The following SAMD5 variants were observed in gnomAD, a reference collection of about 807,000 sequenced individuals.
SAMD5 encodes the protein sterile alpha motif domain-containing protein 5.
A neutral mutation model predicts 11.3 loss-of-function variants in SAMD5; 13 were observed. The ratio of observed to expected loss-of-function variants is 1.15; its 90% confidence interval spans 0.75 to 1.83. The LOEUF is 1.83. Among genes scored for constraint, SAMD5 ranks in the 40% most tolerant of loss-of-function variants. The pLI, the probability that SAMD5 is intolerant of heterozygous loss-of-function variation, is 0.00. For missense variants in SAMD5, 255 were observed against 239.1 expected, an observed-to-expected ratio of 1.07 and a Z score of -0.44; for synonymous variants, 129 against 111.3, an observed-to-expected ratio of 1.16 and a Z score of -1.00.
chr6:147,875,906 A>G, the SAMD5 span, among the ~76,000 whole-genome samples: 1 of 152,110 alleles, frequency 6.6e-6, no homozygotes, highest in Non-Finnish European at 1.5e-5. Context: ...TTCCTTATGT[A>G]TTGCAATGTA....
At chr6:147,791,030 C>T in the SAMD5 span, among the ~76,000 whole-genome samples, 2 of 151,968 alleles carry the variant, frequency 1.3e-5, no homozygotes, top group Non-Finnish European at 2.9e-5. Context: ...TGTGGTGGCT[C>T]ACGCCTGTAA....
intron 1 of SAMD5, among the ~76,000 whole-genome samples, chr6:147,552,853 T>G (rs762208652): frequency 1.3e-5 from 2 of 152,224 alleles, no homozygotes; most frequent in Non-Finnish European, 2.9e-5. Context: ...TGAAAAATTT[T>G]AAAGTTAATG....
At chr6:147,873,445 T>A in the SAMD5 span, among the ~76,000 whole-genome samples, 1 of 152,136 alleles carries the variant, frequency 6.6e-6, no homozygotes, top group Non-Finnish European at 1.5e-5. Context: ...GTGTTGTTAG[T>A]TGATTTTTCA....
chr6:147,548,175 G>A (rs1788715497), intron 1 of SAMD5, among the ~76,000 whole-genome samples: 1 of 152,210 alleles, frequency 6.6e-6, no homozygotes, highest in Admixed American at 6.5e-5. Flanking sequence ...AGACAGCACA[G>A]AGGGTAAAAG....
the SAMD5 span, among the ~76,000 whole-genome samples, chr6:147,758,000 A>G: frequency 4.6e-5 from 7 of 152,218 alleles, no homozygotes; most frequent in South Asian, 2.1e-4. Context: ...GTTTGCTTCT[A>G]TGATTTGTTG....
chr6:147,858,144 A>G, the SAMD5 span, among the ~76,000 whole-genome samples: 1 of 151,936 alleles, frequency 6.6e-6, no homozygotes, highest in Non-Finnish European at 1.5e-5. Flanking sequence ...TTTGGAGGGG[A>G]TCTGTAGCCC....
the SAMD5 span, among the ~76,000 whole-genome samples, chr6:147,822,971 C>T: frequency 1.4e-5 from 2 of 139,178 alleles, no homozygotes; most frequent in African/African-American, 6.0e-5. Context: ...CCCACCACTG[C>T]ACCCGGCTAA....
chr6:147,604,693 CA>C (rs1789673599), intron 1 of SAMD5, among the ~76,000 whole-genome samples: 1 of 152,170 alleles, frequency 6.6e-6, no homozygotes, highest in Non-Finnish European at 1.5e-5. Context: ...AATTAAGCTT[CA>C]GCATCATGGA....
the SAMD5 span, among the ~76,000 whole-genome samples, chr6:147,937,613 G>T: frequency 1.3e-5 from 2 of 152,284 alleles, no homozygotes; most frequent in South Asian, 2.1e-4. Context: ...CTAGGAAAAA[G>T]AATTACGTTT....
At chr6:147,599,912 C>T (rs560301187) in intron 1 of SAMD5, among the ~76,000 whole-genome samples, 3 of 152,176 alleles carry the variant, frequency 2.0e-5, no homozygotes, top group South Asian at 4.2e-4. Flanking sequence ...CAAGAGGTCC[C>T]AGTAGGTGTG....
intron 1 of SAMD5, among the ~76,000 whole-genome samples, chr6:147,715,944 G>A (rs149625510): frequency 6.0e-4 from 91 of 152,268 alleles, no homozygotes; most frequent in African/African-American, 2.1e-3. Flanking sequence ...CGTGCTGATT[G>A]GTCCATGGGT....
chr6:147,918,656 T>TTG, the SAMD5 span, among the ~76,000 whole-genome samples: 1 of 150,720 alleles, frequency 6.6e-6, no homozygotes, highest in Non-Finnish European at 1.5e-5. Flanking sequence ...AGACTCAGGA[T>TTG]ACAAAATCAA....
Position 147,566,310 on chromosome 6 carries a change from T to G in SAMD5, c.*1854T>G, listed in dbSNP as rs1789039763. On this transcript the variant is annotated 3_prime_UTR_variant, in exon 2 of 2. Transcript: ENST00000367474. ...ATCTTTTTTTTTTTTCCAAATGAAC[T>G]AGGGTCTTTAAAATTCCTAAGTAGA... is the stretch of plus-strand genomic sequence containing the variant. 1 of 974,092 alleles carries G rather than the reference T, an allele frequency of 1.0e-6. No individual in the cohort carries two copies. The highest frequency in any genetic ancestry group is 6.2e-5 in the Admixed American group (1 of 16,234). 60.3% of individuals were successfully genotyped at this position (974,092 alleles called of 1,614,324 possible).
chr6:147,634,507 A>T (rs1396845209), intron 1 of SAMD5, among the ~76,000 whole-genome samples: 1 of 152,184 alleles, frequency 6.6e-6, no homozygotes, highest in African/African-American at 2.4e-5. Flanking sequence ...GTGGGGAAAA[A>T]ATTCAACCAT....
intron 1 of SAMD5, among the ~76,000 whole-genome samples, chr6:147,580,816 A>ATTT (rs34302163): frequency 2.0e-5 from 3 of 149,310 alleles, no homozygotes; most frequent in African/African-American, 7.4e-5. Context: ...CTAAACTATG[A>ATTT]TTTTTTTTTT....
chr6:147,800,537 G>A, the SAMD5 span, among the ~76,000 whole-genome samples: 272 of 152,350 alleles, frequency 1.8e-3, 2 homozygotes, highest in African/African-American at 6.2e-3. Flanking sequence ...TCTGTGCCCT[G>A]CCCGCAGAGG....
intron 1 of SAMD5, among the ~76,000 whole-genome samples, chr6:147,699,622 T>C (rs936851416): frequency 6.6e-6 from 1 of 152,202 alleles, no homozygotes; most frequent in African/African-American, 2.4e-5. Flanking sequence ...TATTAAATGT[T>C]TGAGTGTGAA....
the SAMD5 span, among the ~76,000 whole-genome samples, chr6:147,868,975 G>C: frequency 6.6e-6 from 1 of 152,188 alleles, no homozygotes; most frequent in African/African-American, 2.4e-5. Context: ...ATGATGGAAA[G>C]GGGAATTAAG....
chr6:147,701,305 A>G (rs1203364692), intron 1 of SAMD5, among the ~76,000 whole-genome samples: 3 of 152,206 alleles, frequency 2.0e-5, no homozygotes, highest in Non-Finnish European at 2.9e-5. Flanking sequence ...GCATATACAC[A>G]TTAGATAAAA....
Sources: gnomAD v4.1 joint callset for allele counts (sites outside exome capture counted in the v4.1 genomes callset) on GRCh38, gnomAD v4.1.1 for gene constraint, MANE v1.5 for transcripts, NCBI Gene and HGNC (gene_info 2026-07-23, HGNC 2026-07-21) for gene names.